Variants in EBF2 observed in about 807,000 individuals in gnomAD.
The protein encoded by EBF2 is EBF transcription factor 2, also known as transcription factor COE2.
In EBF2, 21 loss-of-function variants were observed where a neutral mutation model predicts 72.8. The observed-to-expected ratio is 0.29, with a 90% CI of 0.20 to 0.42. The LOEUF (loss-of-function observed/expected upper bound fraction) is 0.42, where lower values mean the gene tolerates loss of function less well. Among genes scored for constraint, EBF2 ranks in the 10% least tolerant of loss-of-function variants. EBF2 has a pLI of 1.00. For synonymous variants in EBF2, 299 were observed against 274.2 expected, an observed-to-expected ratio of 1.09 and a Z score of -0.89; for missense variants, 637 against 731.2, an observed-to-expected ratio of 0.87 and a Z score of 1.49.
intron 8 of EBF2, among the ~76,000 whole-genome samples, 171 bp downstream of exon 8, chr8:25,889,581 T>C (rs1366235882): frequency 3.3e-5 from 5 of 152,012 alleles, no homozygotes; most frequent in East Asian, 1.9e-4. Context: ...GTGTGGGCCT[T>C]ACAGTGGAGC....
intron 6 of EBF2, among the ~76,000 whole-genome samples, chr8:26,010,216 T>C (rs1804954317): frequency 6.6e-6 from 1 of 152,202 alleles, no homozygotes; most frequent in Non-Finnish European, 1.5e-5. Flanking sequence ...CTTCTCATAA[T>C]ATAACTTTGT....
chr8:25,912,951 G>C (rs1471454134), intron 6 of EBF2, among the ~76,000 whole-genome samples: 1 of 152,120 alleles, frequency 6.6e-6, no homozygotes, highest in Non-Finnish European at 1.5e-5. Context: ...CAGAGTTAAG[G>C]TTCCGTGGTG....
At chr8:25,965,995 A>G (rs192775574) in intron 6 of EBF2, among the ~76,000 whole-genome samples, 14 of 152,232 alleles carry the variant, frequency 9.2e-5, no homozygotes, top group Middle Eastern at 6.8e-3. Context: ...CTCTCACCCA[A>G]CTGATCATTT....
chr8:25,942,152 A>G (rs1803685679), intron 6 of EBF2, among the ~76,000 whole-genome samples: 1 of 152,232 alleles, frequency 6.6e-6, no homozygotes, highest in Non-Finnish European at 1.5e-5. Context: ...AGGGGGAAGC[A>G]CAAGCCCCAT....
intron 13 of EBF2, among the ~76,000 whole-genome samples, chr8:25,859,606 C>A (rs1382127036): frequency 6.6e-6 from 1 of 152,070 alleles, no homozygotes; most frequent in African/African-American, 2.4e-5. Flanking sequence ...GGATTACTGT[C>A]TCTAAAACTA....
At chr8:25,911,683 TAC>T (rs374591360) in intron 6 of EBF2, among the ~76,000 whole-genome samples, 216 of 152,322 alleles carry the variant, frequency 1.4e-3, no homozygotes, top group African/African-American at 4.7e-3. Context: ...AAGAAAAATG[TAC>T]AGAGTTGAGA....
intron 15 of EBF2, among the ~76,000 whole-genome samples, chr8:25,845,492 T>C (rs940404731): frequency 6.6e-6 from 1 of 152,176 alleles, no homozygotes; most frequent in African/African-American, 2.4e-5. Flanking sequence ...TCCCAAAATG[T>C]TGGGATTACA....
At chr8:25,943,797 G>A (rs1803719715) in intron 6 of EBF2, among the ~76,000 whole-genome samples, 1 of 152,102 alleles carries the variant, frequency 6.6e-6, no homozygotes, top group Admixed American at 6.5e-5. Flanking sequence ...CACTATCAAA[G>A]GGGCTTACTT....
chr8:26,012,895 T>C (rs1805049632), intron 6 of EBF2, among the ~76,000 whole-genome samples: 1 of 152,114 alleles, frequency 6.6e-6, no homozygotes, highest in South Asian at 2.1e-4. Context: ...CAAATACTCA[T>C]CGATACCTAC....
chr8:25,863,282 A>C (rs906001928), intron 10 of EBF2, among the ~76,000 whole-genome samples: 4 of 152,112 alleles, frequency 2.6e-5, no homozygotes, highest in African/African-American at 9.7e-5. Flanking sequence ...CACTTTATGC[A>C]TAATACGCTT....
chr8:26,006,533 G>A (rs1804885119), intron 6 of EBF2, among the ~76,000 whole-genome samples: 1 of 152,104 alleles, frequency 6.6e-6, no homozygotes, highest in Non-Finnish European at 1.5e-5. Flanking sequence ...AATTTTCTGT[G>A]GCATTATTCC....
intron 7 of EBF2, among the ~76,000 whole-genome samples, chr8:25,895,598 C>A (rs538521937): frequency 6.6e-6 from 1 of 152,186 alleles, no homozygotes; most frequent in African/African-American, 2.4e-5. Context: ...GAAAACCGAT[C>A]GGCTTTCTCA....
Position 25,861,358 on chromosome 8 carries a change from C to G in EBF2, c.1115G>C (p.Arg372Thr). The G allele has an allele frequency of 6.2e-7, 1 of 1,614,176 alleles. No individual in the cohort carries two copies. The highest frequency in any genetic ancestry group is 8.5e-7 in the Non-Finnish European group (1 of 1,180,026). The change falls in exon 12 of 16, where the codon AGA (arginine) becomes ACA (threonine). Residue 372 changes from arginine to threonine, a missense_variant. Around this residue, in one of 3 missense-constraint regions of EBF2, gnomAD observed 259 missense variants for 268.1 expected, o/e 0.97. Transcript: ENST00000520164. ...ERLAKEMLLKRAADLVEALYG... is the reference protein window; with the variant it reads ...ERLAKEMLLKTAADLVEALYG... ...AAGAGCTTCCACTAGATCTGCAGCT[C>G]TTTTCAACAGCATCTCCTGGAAAAT...
At chr8:25,943,967 G>C (rs903911311) in intron 6 of EBF2, among the ~76,000 whole-genome samples, 4 of 152,182 alleles carry the variant, frequency 2.6e-5, no homozygotes, top group African/African-American at 9.7e-5. Context: ...TGAGAACAGG[G>C]TCCCAGTTGT....
At chr8:25,945,084 T>C (rs1439408675) in intron 6 of EBF2, among the ~76,000 whole-genome samples, 1 of 100,962 alleles carries the variant, frequency 9.9e-6, no homozygotes, top group Non-Finnish European at 1.9e-5. Context: ...AAGATTGTTC[T>C]GTTGCCCCCC....
At chr8:25,903,871 C>T (rs1185954871) in intron 7 of EBF2, among the ~76,000 whole-genome samples, 1 of 152,160 alleles carries the variant, frequency 6.6e-6, no homozygotes, top group Non-Finnish European at 1.5e-5. Flanking sequence ...AACACGTGCT[C>T]ATTAGTCATC....
rs565450317 is a variant in EBF2 at position 25,932,090 on chromosome 8, G to A, written c.552-23535C>T. On this transcript the variant is annotated intron_variant, in intron 6 of 15. Coordinates refer to ENST00000520164, the MANE Select transcript of EBF2 (RefSeq NM_022659.4). ...TATTGAGAAGCCACCAGGAGAAGGG[G>A]GAAAATGTATGATGTAGTGGAACAA... Among the ~76,000 whole-genome samples, 33 of 152,176 alleles carry A rather than the reference G, an allele frequency of 2.2e-4. 1 individual carries two copies. The South Asian group carries it at 6.5e-3, about 30-fold the overall frequency.
At chr8:25,961,431 T>C (rs1270490774) in intron 6 of EBF2, among the ~76,000 whole-genome samples, 1 of 152,212 alleles carries the variant, frequency 6.6e-6, no homozygotes, top group Non-Finnish European at 1.5e-5. Flanking sequence ...TGGCGCGATC[T>C]TGGCTCACTG....
At chr8:25,859,044 A>G (rs7012269) in intron 13 of EBF2, among the ~76,000 whole-genome samples, 4,330 of 152,098 alleles carry the variant, frequency 0.028, 208 homozygotes, top group African/African-American at 0.098. Flanking sequence ...TGCACTCAGC[A>G]CCTCCAGCTT....
Sources: allele counts gnomAD v4.1 joint callset (sites outside exome capture counted in the v4.1 genomes callset), GRCh38; gene constraint gnomAD v4.1.1; regional missense constraint gnomAD v4.1.1; transcripts MANE v1.5; gene names NCBI Gene and HGNC (gene_info 2026-07-23, HGNC 2026-07-21).